BBS12: variants seen among roughly 807,000 people sequenced by gnomAD.
BBS12 encodes the protein chaperonin-containing T-complex member BBS12.
BBS12 carries 5 observed loss-of-function variants against 5.6 expected under a neutral mutation model. That is an observed-to-expected ratio of 0.89 (90% CI 0.46 to 1.86). BBS12 has a LOEUF of 1.86. Ranked by LOEUF, BBS12 falls within the 40% of genes most tolerant of loss-of-function variation. The probability of loss-of-function intolerance (pLI) is 0.01; values close to 1 mark genes in which losing one functional copy is unlikely to be tolerated. For missense variants in BBS12, 748 were observed against 830.4 expected, an observed-to-expected ratio of 0.90 and a Z score of 1.22; for synonymous variants, 308 against 306.8, an observed-to-expected ratio of 1.00 and a Z score of -0.04.
At chr4:122,703,402 G>C in the BBS12 span, among the ~76,000 whole-genome samples, 13,575 of 152,212 alleles carry the variant, frequency 0.089, 1,623 homozygotes, top group African/African-American at 0.27. Flanking sequence ...CCAAGCCAAG[G>C]GTAGTGGTGA....
chr4:122,734,306 C>T (rs763250436), intron 1 of BBS12, among the ~76,000 whole-genome samples: 3 of 151,962 alleles, frequency 2.0e-5, no homozygotes, highest in Non-Finnish European at 2.9e-5. Flanking sequence ...TGCTCTGTCG[C>T]CCAGGCTGGA....
rs767128707 is a variant in BBS12, at chr4:122,744,025, G to C, written c.2133G>C (p.Ter711TyrextTer17). 1 of 1,611,242 alleles carries C rather than the reference G, an allele frequency of 6.2e-7. No homozygotes were observed. Among genetic ancestry groups the C allele is most frequent in the Non-Finnish European group, 8.5e-7 (1 of 1,177,496 alleles). Residue 711 changes from the stop codon to tyrosine, a stop_lost, in exon 2 of 2, where the codon TAG (stop) becomes TAC (tyrosine). Coordinates refer to ENST00000314218, the MANE Select transcript of BBS12 (RefSeq NM_152618.3). ...AATTAACGGGCTTTCTATTTTTGTA[G>C]TGTTACTGGCTAAGTCTTTGGAAAA... ...SQELTGFLFL[*>Y] is the part of the protein sequence containing the mutation.
chr4:122,700,842 A>T, the BBS12 span, among the ~76,000 whole-genome samples: 1 of 152,174 alleles, frequency 6.6e-6, no homozygotes, highest in Non-Finnish European at 1.5e-5. Flanking sequence ...AAGTTATGTA[A>T]TTTGATGCTT....
At chr4:122,710,462 A>G in the BBS12 span, among the ~76,000 whole-genome samples, 3 of 152,242 alleles carry the variant, frequency 2.0e-5, no homozygotes, top group African/African-American at 7.2e-5. Context: ...TTACTGGTCC[A>G]TTGCTCAGAG....
At chr4:122,712,311 A>G in the BBS12 span, among the ~76,000 whole-genome samples, 1 of 152,224 alleles carries the variant, frequency 6.6e-6, no homozygotes. Flanking sequence ...TAGATTTGAT[A>G]TTAAGGAAGC....
At chr4:122,712,798 A>C in the BBS12 span, among the ~76,000 whole-genome samples, 1 of 152,126 alleles carries the variant, frequency 6.6e-6, no homozygotes, top group African/African-American at 2.4e-5. Context: ...CATTTTTTGC[A>C]AATTTGACTC....
the BBS12 span, among the ~76,000 whole-genome samples, chr4:122,718,961 A>C: frequency 2.0e-5 from 3 of 152,142 alleles, no homozygotes; most frequent in African/African-American, 4.8e-5. Flanking sequence ...CTGGGACTAC[A>C]GGCGCCCACC....
chr4:122,727,625 CT>C, the BBS12 span, among the ~76,000 whole-genome samples: 5 of 139,490 alleles, frequency 3.6e-5, no homozygotes, highest in Non-Finnish European at 7.5e-5. Context: ...GCGATCTCTG[CT>C]CACTGCCACC....
the BBS12 span, among the ~76,000 whole-genome samples, chr4:122,715,771 C>T: frequency 1.3e-5 from 2 of 152,254 alleles, no homozygotes; most frequent in African/African-American, 4.8e-5. Flanking sequence ...AAATATAATA[C>T]AGTGCACCTA....
chr4:122,723,585 T>C, the BBS12 span, among the ~76,000 whole-genome samples: 17 of 152,204 alleles, frequency 1.1e-4, no homozygotes, highest in Non-Finnish European at 2.5e-4. Flanking sequence ...AGTCTGTCTT[T>C]GGAGTTGCAA....
At chr4:122,734,513 G>T (rs900467097) in intron 1 of BBS12, among the ~76,000 whole-genome samples, 1 of 152,150 alleles carries the variant, frequency 6.6e-6, no homozygotes, top group Admixed American at 6.5e-5. Flanking sequence ...TGATCCGCTC[G>T]CCTCGGCCTC....
the BBS12 span, among the ~76,000 whole-genome samples, chr4:122,713,830 T>C: frequency 6.6e-6 from 1 of 152,332 alleles, no homozygotes; most frequent in East Asian, 1.9e-4. Context: ...TTAAAAAGAT[T>C]ATACCCTTTT....
In BBS12 at chr4:122,742,998, A is replaced by C; in HGVS notation, c.1106A>C (p.His369Pro). 6.2e-7 allele frequency: 1 copy of C among 1,614,264 alleles called. No homozygotes were observed. Among genetic ancestry groups the C allele is most frequent in the Non-Finnish European group, 8.5e-7 (1 of 1,180,048 alleles). The change falls in exon 2 of 2, where the codon CAC becomes CCC. Residue 369 changes from histidine to proline, a missense_variant. Transcript: ENST00000314218. ...GGTGACCTCACAGAGAATTACCGCC[A>C]CCTGGGATTTAATAAGTCTGCAAAT... ...IEGDLTENYR[H>P]LGFNKSANIK...
rs1800911609 is a variant in BBS12 at position 122,743,047 on chromosome 4, G to A, written c.1155G>A (p.Met385Ile). The change falls in exon 2 of 2, where the codon ATG becomes ATA. Residue 385 changes from methionine (M) to isoleucine (I), a missense_variant. Met to Ile is a conservative substitution (Grantham distance 10). Coordinates refer to ENST00000314218, the MANE Select transcript of BBS12 (RefSeq NM_152618.3). ...ATATTAAAACAGTATTAGATAGCAT[G>A]CGGCTTCAAGAAGACAGCTCAGAAG... ...SANIKTVLDS[M>I]RLQEDSSEEL... The A allele has an allele frequency of 2.5e-6, 4 of 1,614,248 alleles. No individual in the cohort carries two copies. Among genetic ancestry groups the A allele is most frequent in the Non-Finnish European group, 3.4e-6 (4 of 1,180,038 alleles).
At chr4:122,720,859 A>T in the BBS12 span, among the ~76,000 whole-genome samples, 2 of 150,616 alleles carry the variant, frequency 1.3e-5, no homozygotes, top group Non-Finnish European at 2.9e-5. Flanking sequence ...TAATAAGACA[A>T]ATAGACAAGT....
chr4:122,710,376 G>A, the BBS12 span, among the ~76,000 whole-genome samples: 6 of 152,152 alleles, frequency 3.9e-5, no homozygotes, highest in East Asian at 3.8e-4. Context: ...TCAACTTCCC[G>A]TGTTGACTCC....
At chr4:122,720,964 C>G in the BBS12 span, among the ~76,000 whole-genome samples, 23 of 150,692 alleles carry the variant, frequency 1.5e-4, no homozygotes, top group African/African-American at 5.3e-4. Flanking sequence ...TAATTTTTGC[C>G]ATTACTTTTG....
the BBS12 span, among the ~76,000 whole-genome samples, chr4:122,720,622 A>G: frequency 6.6e-6 from 1 of 152,184 alleles, no homozygotes; most frequent in South Asian, 2.1e-4. Context: ...AATACAGAAA[A>G]GAGTATGAGA....
the BBS12 span, among the ~76,000 whole-genome samples, chr4:122,711,957 G>C: frequency 6.6e-6 from 1 of 152,214 alleles, no homozygotes; most frequent in African/African-American, 2.4e-5. Context: ...GGCCAGGAGA[G>C]AGAAGAAACA....
Sources: allele counts gnomAD v4.1 joint callset (sites outside exome capture counted in the v4.1 genomes callset), GRCh38; gene constraint gnomAD v4.1.1; transcripts MANE v1.5; gene names NCBI Gene and HGNC (gene_info 2026-07-23, HGNC 2026-07-21).